DEGS1: variants seen among roughly 807,000 people sequenced by gnomAD.
DEGS1 encodes the protein sphingolipid delta(4)-desaturase DES1.
A neutral mutation model predicts 24.1 loss-of-function variants in DEGS1; 17 were observed. The ratio of observed to expected loss-of-function variants is 0.70; its 90% CI spans 0.48 to 1.06. The LOEUF (loss-of-function observed/expected upper bound fraction) is 1.06, where lower values mean the gene tolerates loss of function less well. Ranked by LOEUF, DEGS1 falls within the 50% of genes least tolerant of loss-of-function variation. DEGS1 has a pLI of 0.00. For missense variants in DEGS1, 366 were observed against 408.9 expected, an observed-to-expected ratio of 0.90 and a Z score of 0.91; for synonymous variants, 134 against 140.0, an observed-to-expected ratio of 0.96 and a Z score of 0.30.
At chr1:224,184,964 C>G (rs1488408039) in intron 1 of DEGS1, among the ~76,000 whole-genome samples, 1 of 105,298 alleles carries the variant, frequency 9.5e-6, no homozygotes, top group African/African-American at 3.6e-5. Context: ...GTGAGAGCCC[C>G]CCGTTTACAC....
chr1:224,193,339 A>C lies in DEGS1; in HGVS notation c.*861A>C, dbSNP rs1478306140. 1 of 152,246 alleles carries C rather than the reference A, an allele frequency of 6.6e-6. No individual in the cohort carries two copies. Among genetic ancestry groups the C allele is most frequent in the Non-Finnish European group, 1.5e-5 (1 of 68,044 alleles). 9.4% of individuals were successfully genotyped at this position (152,246 alleles called of 1,614,324 possible). On this transcript the variant is annotated 3_prime_UTR_variant, in exon 3 of 3. Coordinates refer to ENST00000323699, the MANE Select transcript of DEGS1 (RefSeq NM_003676.4). ...TATTTCCCTGTAAGCTGAATTACTC[A>C]TTTAAAAATTTTAACTTCTATATGG...
rs531583910 is a variant in DEGS1 at position 224,183,256 on chromosome 1, AGCCGCCGCC to A, written c.-71_-63del. 6 of 1,295,862 alleles carry A rather than the reference AGCCGCCGCC, an allele frequency of 4.6e-6. No homozygotes were observed. Among genetic ancestry groups the A allele is most frequent in the Non-Finnish European group, 6.2e-6 (6 of 967,348 alleles). The allele number at this position is 1,295,862 out of a possible 1,614,324, so 80.3% of individuals were successfully genotyped here. On this transcript the variant is annotated 5_prime_UTR_variant, in exon 1 of 3. Transcript: ENST00000323699. Reference sequence around the variant, plus strand: ...CCGGCCGACACCACACCAGCCGGGGAGCCGCCGCCGCCGCCGCCACCTCTGAGCAGCCGG... The same window carrying A: ...CCGGCCGACACCACACCAGCCGGGGAGCCGCCGCCACCTCTGAGCAGCCGG...
At chr1:224,191,366 G>C (rs1658531214) in intron 2 of DEGS1, among the ~76,000 whole-genome samples, 1 of 149,660 alleles carries the variant, frequency 6.7e-6, no homozygotes. Context: ...CTCCAGCCTG[G>C]GTGACAGAGC....
chr1:224,186,406 G>A (rs1658392580), intron 1 of DEGS1, among the ~76,000 whole-genome samples: 1 of 152,046 alleles, frequency 6.6e-6, no homozygotes, highest in Non-Finnish European at 1.5e-5. Flanking sequence ...ATTTCACTGG[G>A]AAAGTAAAAG....
In DEGS1 at chr1:224,190,297, T is replaced by C; in HGVS notation, c.803T>C (p.Ile268Thr). 1 of 1,490,782 alleles carries C rather than the reference T, an allele frequency of 6.7e-7. No homozygotes were observed. Among genetic ancestry groups the C allele is most frequent in the Non-Finnish European group, 8.9e-7 (1 of 1,122,532 alleles). The allele number at this position is 1,490,782 out of a possible 1,614,324, so 92.3% of individuals were successfully genotyped here. The change falls in exon 2 of 3, where the codon ATT becomes ACT. Residue 268 changes from isoleucine to threonine, a missense_variant. Transcript: ENST00000323699. The part of the protein sequence containing the change: ...YHNEHHDFPN[I>T]PGKSLPLVRK... ...AATGAACATCATGATTTCCCCAACA[T>C]TCCTGGAAAAAGTCTTCCACTGGTA...
chr1:224,184,844 G>A (rs1181976696), intron 1 of DEGS1, among the ~76,000 whole-genome samples: 1 of 151,916 alleles, frequency 6.6e-6, no homozygotes, highest in Non-Finnish European at 1.5e-5. Flanking sequence ...CCTCTGTTGA[G>A]GAAACGGGGA....
chr1:224,188,394 T>C (rs1370983116), intron 1 of DEGS1, among the ~76,000 whole-genome samples: 2 of 152,240 alleles, frequency 1.3e-5, no homozygotes, highest in African/African-American at 2.4e-5. Flanking sequence ...TATTCCTTTG[T>C]ATGGATATAC....
Position 224,192,361 on chromosome 1 carries a change from C to A in DEGS1, c.855C>A (p.Asp285Glu). ...LVRKIAAEYY[D>E]NLPHYNSWIK... ...GGAAAATAGCAGCTGAATACTATGA[C>A]AACCTCCCTCACTACAATTCCTGGA... Residue 285 changes from aspartate (D) to glutamate (E), a missense_variant, in exon 3 of 3, where the codon GAC (aspartate) becomes GAA (glutamate). Physicochemically the swap from Asp to Glu is conservative, Grantham distance 45. Coordinates refer to ENST00000323699, the MANE Select transcript of DEGS1 (RefSeq NM_003676.4). 1 of 1,613,314 alleles carries A rather than the reference C, an allele frequency of 6.2e-7. No individual in the cohort carries two copies. The highest frequency in any genetic ancestry group is 8.5e-7 in the Non-Finnish European group (1 of 1,179,792).
intron 1 of DEGS1, among the ~76,000 whole-genome samples, chr1:224,189,036 G>A (rs183343301): frequency 5.9e-5 from 9 of 152,006 alleles, no homozygotes; most frequent in Non-Finnish European, 1.0e-4. Flanking sequence ...ATAACAAGTC[G>A]GTCTAGCACC....
At position 224,192,323 on chromosome 1, in the gene DEGS1, C is replaced by T; in HGVS notation, c.826-9C>T. On this transcript the variant is annotated splice_polypyrimidine_tract_variant and intron_variant, in intron 2 of 2. Coordinates refer to ENST00000323699, the MANE Select transcript of DEGS1 (RefSeq NM_003676.4). ...CATTTTTCATCTTGCTGTATTTTTT[C>T]CCTTCTAGGTGAGGAAAATAGCAGC... is the stretch of plus-strand genomic sequence containing the variant. 6.3e-7 allele frequency: 1 copy of T among 1,598,656 alleles called. No homozygotes were observed. The highest frequency in any genetic ancestry group is 1.8e-5 in the Admixed American group (1 of 55,144).
At chr1:224,191,233 C>G (rs1450665738) in intron 2 of DEGS1, 1 of 151,736 alleles carries the variant, frequency 6.6e-6, no homozygotes, top group Non-Finnish European at 1.5e-5. Context: ...ACTAAAAATA[C>G]AAAAAACTTA....
At chr1:224,184,496 GTTTGTTT>G (rs1411936184) in intron 1 of DEGS1, among the ~76,000 whole-genome samples, 4 of 92,874 alleles carry the variant, frequency 4.3e-5, no homozygotes, top group African/African-American at 1.3e-4. Flanking sequence ...GACTGCACGT[GTTTGTTT>G]TTTGTTTGTT....
In DEGS1 at chr1:224,190,210, G is replaced by A; in HGVS notation, c.716G>A (p.Gly239Asp). ...FIAEHYMFLK[G>D]HETYSYYGPL... ...GCTGAGCATTACATGTTCTTAAAGGGTCATGAAACTTACTCATATTATGGG... is the reference window on the plus strand; with the variant it reads ...GCTGAGCATTACATGTTCTTAAAGGATCATGAAACTTACTCATATTATGGG... The change falls in exon 2 of 3, where the codon GGT becomes GAT. Residue 239 changes from glycine (G) to aspartate (D), a missense_variant. Gly to Asp is a moderately conservative substitution (Grantham distance 94). Transcript: ENST00000323699. 2 of 1,532,818 alleles carry A rather than the reference G, an allele frequency of 1.3e-6. No individual in the cohort carries two copies. Among genetic ancestry groups the A allele is most frequent in the Non-Finnish European group, 8.7e-7 (1 of 1,144,156 alleles). The allele number at this position is 1,532,818 out of a possible 1,614,324, so 95.0% of individuals were successfully genotyped here. A position where few individuals can be genotyped will look rare whatever the true frequency, so the allele number is the denominator to read the frequency against.
intron 1 of DEGS1, among the ~76,000 whole-genome samples, chr1:224,187,202 G>T (rs915176704): frequency 6.6e-6 from 1 of 152,044 alleles, no homozygotes; most frequent in Admixed American, 6.6e-5. Context: ...CAGCTACTGG[G>T]AAGGCTGAGG....
chr1:224,191,498 T>A (rs574112785), intron 2 of DEGS1, among the ~76,000 whole-genome samples: 85 of 150,232 alleles, frequency 5.7e-4, no homozygotes, highest in Non-Finnish European at 9.8e-4. Context: ...GGATTATACA[T>A]ACGAACCACT....
chr1:224,189,792 TGCAAA>T lies in DEGS1; in HGVS notation c.303_307del (p.Lys101AsnfsTer11), dbSNP rs1174402523. ...TGCCCACAATGCTGCCTTTGGCAACTGCAAAGCAATGTGGAATCGCTGGTTTGGAA... is the reference window on the plus strand; with the variant it reads ...TGCCCACAATGCTGCCTTTGGCAACTGCAATGTGGAATCGCTGGTTTGGAA... On this transcript the variant is annotated frameshift_variant, in exon 2 of 3. Coordinates refer to ENST00000323699, the MANE Select transcript of DEGS1 (RefSeq NM_003676.4). LOFTEE classifies it high-confidence loss of function. The T allele has an allele frequency of 3.1e-6, 5 of 1,614,240 alleles. No individual in the cohort carries two copies. Among genetic ancestry groups the T allele is most frequent in the Non-Finnish European group, 4.2e-6 (5 of 1,180,044 alleles).
At chr1:224,188,838 C>A (rs780862354) in intron 1 of DEGS1, among the ~76,000 whole-genome samples, 4 of 152,084 alleles carry the variant, frequency 2.6e-5, no homozygotes, top group African/African-American at 9.7e-5. Context: ...TGTCCGATTT[C>A]TCTGTTTTCT....
chr1:224,190,559 T>C (rs1473353316), intron 2 of DEGS1, among the ~76,000 whole-genome samples: 1 of 150,456 alleles, frequency 6.6e-6, no homozygotes, highest in Non-Finnish European at 1.5e-5. Flanking sequence ...GGTTTTGCCA[T>C]GTTGGCCAGG....
intron 2 of DEGS1, among the ~76,000 whole-genome samples, chr1:224,191,740 G>A (rs918129477): frequency 2.6e-5 from 4 of 151,390 alleles, no homozygotes; most frequent in Admixed American, 6.6e-5. Flanking sequence ...GACTACAGGC[G>A]CACGCCACCA....
Sources: allele counts gnomAD v4.1 joint callset (sites outside exome capture counted in the v4.1 genomes callset), GRCh38; gene constraint gnomAD v4.1.1; transcripts MANE v1.5; gene names NCBI Gene and HGNC (gene_info 2026-07-23, HGNC 2026-07-21).